Variants in EZH2 observed in about 807,000 individuals in gnomAD.
EZH2 encodes the protein enhancer of zeste 2 polycomb repressive complex 2 subunit, also known as histone-lysine N-methyltransferase EZH2.
In EZH2, 18 loss-of-function variants were observed where a neutral mutation model predicts 98.4. That is an observed-to-expected ratio of 0.18 (90% CI 0.13 to 0.27). The LOEUF (loss-of-function observed/expected upper bound fraction) is 0.27. EZH2 is among the 10% of genes least tolerant of loss of function. EZH2 has a pLI of 1.00. For missense variants in EZH2, 470 were observed against 935.1 expected (o/e 0.50, Z 6.49); for synonymous variants, 338 against 312.3 (o/e 1.08, Z -0.87).
intron 9 of EZH2, among the ~76,000 whole-genome samples, 187 bp from the exon 10 acceptor site, chr7:148,818,304 AAG>A (rs1182616548): frequency 6.6e-6 from 1 of 152,244 alleles, no homozygotes; most frequent in Non-Finnish European, 1.5e-5. Context: ...AAATTTCAGA[AAG>A]AGAAATATGG....
At chr7:148,821,303 A>C (rs1806012043) in intron 8 of EZH2, among the ~76,000 whole-genome samples, 1 of 152,214 alleles carries the variant, frequency 6.6e-6, no homozygotes, top group Non-Finnish European at 1.5e-5. Context: ...GAAAAAGCCC[A>C]ACAGCAGCAG....
At chr7:148,843,664 C>T (rs1020173037) in intron 3 of EZH2, among the ~76,000 whole-genome samples, 65 of 128,956 alleles carry the variant, frequency 5.0e-4, no homozygotes, top group African/African-American at 5.3e-4. Flanking sequence ...GGCGCGATCT[C>T]GGCTCACTGC....
chr7:148,820,638 T>C (rs73471809), intron 8 of EZH2, among the ~76,000 whole-genome samples: 3,070 of 152,110 alleles, frequency 0.02, 90 homozygotes, highest in African/African-American at 0.07. Context: ...GCAATTAGGC[T>C]CCAGACAGCC....
chr7:148,810,545 G>A (rs1041646464), intron 16 of EZH2, 131 bp from the exon 17 acceptor site: 7 of 560,540 alleles, frequency 1.2e-5, no homozygotes, highest in Non-Finnish European at 2.0e-5. Flanking sequence ...CTACAGCCAA[G>A]TTCTCTTTCC....
At chr7:148,858,985 G>C (rs185894192) in intron 1 of EZH2, among the ~76,000 whole-genome samples, 1 of 152,280 alleles carries the variant, frequency 6.6e-6, no homozygotes, top group Non-Finnish European at 1.5e-5. Context: ...TTAAAATGAA[G>C]AGAAAAACTG....
At chr7:148,864,859 G>A (rs1290622036) in intron 1 of EZH2, among the ~76,000 whole-genome samples, 1 of 152,120 alleles carries the variant, frequency 6.6e-6, no homozygotes, top group African/African-American at 2.4e-5. Context: ...GGGCCAAGTG[G>A]CTCACGCCTG....
In EZH2 at chr7:148,818,078, G is replaced by T; in HGVS notation, c.1039C>A (p.Arg347=). Residue 347 remains arginine, a synonymous_variant, in exon 10 of 20, where the codon CGG becomes AGG. Coordinates refer to ENST00000320356, the MANE Select transcript of EZH2 (RefSeq NM_004456.5). ...KEFAAALTAE[R]IKTPPKRPGG... The stretch of plus-strand genomic sequence containing the variant: ...GGACGTTTTGGTGGGGTCTTTATCC[G>T]CTCAGCGGTGAGAGCAGCAGCAAAC... 6.2e-7 allele frequency: 1 copy of T among 1,610,998 alleles called. No homozygotes were observed. Among genetic ancestry groups the T allele is most frequent in the Non-Finnish European group, 8.5e-7 (1 of 1,178,570 alleles).
At position 148,827,213 on chromosome 7, in the gene EZH2, T is replaced by C; in HGVS notation, c.679A>G (p.Ile227Val). 1.2e-6 allele frequency: 2 copies of C among 1,613,924 alleles called. No individual in the cohort carries two copies. The highest frequency in any genetic ancestry group is 1.7e-6 in the Non-Finnish European group (2 of 1,179,926). Residue 227 changes from isoleucine to valine, a missense_variant, in exon 7 of 20, where the codon ATT becomes GTT. Physicochemically the swap from Ile to Val is conservative, Grantham distance 29. Around this residue, in one of 6 missense-constraint regions of EZH2, gnomAD observed 69 missense variants for 78.3 expected, o/e 0.88. Coordinates refer to ENST00000320356, the MANE Select transcript of EZH2 (RefSeq NM_004456.5). ...KFPSDKIFEA[I>V]SSMFPDKGTA... ...CCCTTATCTGGAAACATTGAGGAAA[T>C]GGCTTCAAAAATTTTATCAGAAGGA...
At chr7:148,809,971 A>G (rs1390034238) in intron 17 of EZH2, among the ~76,000 whole-genome samples, 1 of 152,242 alleles carries the variant, frequency 6.6e-6, no homozygotes, top group African/African-American at 2.4e-5. Context: ...TTGCAAATGC[A>G]GTGCTCCTCC....
intron 3 of EZH2, among the ~76,000 whole-genome samples, chr7:148,838,532 A>G (rs1038467791): frequency 3.3e-5 from 5 of 152,238 alleles, no homozygotes; most frequent in Admixed American, 2.0e-4. Context: ...AGCAGGTAAC[A>G]AGAGTGATGT....
chr7:148,822,521 A>AT (rs1404837642), intron 8 of EZH2, among the ~76,000 whole-genome samples: 2 of 151,980 alleles, frequency 1.3e-5, no homozygotes, highest in African/African-American at 4.8e-5. Context: ...AAAAAAAAAA[A>AT]GTTTAAACTT....
intron 3 of EZH2, among the ~76,000 whole-genome samples, chr7:148,840,943 G>A (rs2129483142): frequency 6.6e-6 from 1 of 152,178 alleles, no homozygotes; most frequent in Non-Finnish European, 1.5e-5. Flanking sequence ...TTTTGCATTT[G>A]GGGAAGATAC....
At chr7:148,821,743 T>G (rs1264145589) in intron 8 of EZH2, among the ~76,000 whole-genome samples, 1 of 152,214 alleles carries the variant, frequency 6.6e-6, no homozygotes, top group Non-Finnish European at 1.5e-5. Context: ...GGAGAAGAGC[T>G]TGAGCTCAGG....
intron 3 of EZH2, among the ~76,000 whole-genome samples, chr7:148,835,278 C>T (rs1045053443): frequency 6.6e-6 from 1 of 151,926 alleles, no homozygotes; most frequent in African/African-American, 2.4e-5. Context: ...AAAAAATTAG[C>T]CCAGCAAGGT....
At chr7:148,860,991 A>G (rs1009570762) in intron 1 of EZH2, among the ~76,000 whole-genome samples, 3 of 151,736 alleles carry the variant, frequency 2.0e-5, no homozygotes, top group African/African-American at 7.3e-5. Context: ...ATTTTTATTA[A>G]AAACTGTTAT....
At chr7:148,842,235 CTT>C (rs1812646867) in intron 3 of EZH2, among the ~76,000 whole-genome samples, 1 of 152,158 alleles carries the variant, frequency 6.6e-6, no homozygotes, top group African/African-American at 2.4e-5. Flanking sequence ...GCAAACTTCT[CTT>C]TCAGTCATAA....
intron 1 of EZH2, among the ~76,000 whole-genome samples, chr7:148,866,689 TATATATAC>T (rs200455685): frequency 2.9e-4 from 42 of 144,136 alleles, no homozygotes; most frequent in African/African-American, 1.1e-3. Context: ...TATATGCATA[TATATATAC>T]ATATATGCAT....
chr7:148,860,105 TG>T (rs1283266020), intron 1 of EZH2, among the ~76,000 whole-genome samples: 6 of 152,218 alleles, frequency 3.9e-5, no homozygotes, highest in Non-Finnish European at 1.5e-5. Context: ...TCCTTAAATA[TG>T]TACAGCTAAT....
At chr7:148,828,593 A>C in intron 6 of EZH2, 147 bp downstream of exon 6, 6 of 1,071,116 alleles carry the variant, frequency 5.6e-6, no homozygotes, top group Non-Finnish European at 8.0e-6. Context: ...TGGCCATAAT[A>C]TGTTAATTTT....
Sources: gnomAD v4.1 joint callset for allele counts (sites outside exome capture counted in the v4.1 genomes callset) on GRCh38, gnomAD v4.1.1 for gene constraint, gnomAD v4.1.1 regional missense constraint, MANE v1.5 for transcripts, NCBI Gene and HGNC (gene_info 2026-07-23, HGNC 2026-07-21) for gene names.